ATP2A3: variants seen among roughly 807,000 people sequenced by gnomAD.
ATP2A3 encodes the protein sarcoplasmic/endoplasmic reticulum calcium ATPase 3.
A neutral mutation model predicts 106.8 loss-of-function variants in ATP2A3; 61 were observed. That is an observed-to-expected ratio of 0.57 (90% CI 0.46 to 0.71). ATP2A3 has a LOEUF of 0.71. Among genes scored for constraint, ATP2A3 ranks in the 30% least tolerant of loss-of-function variants. ATP2A3 has a pLI of 0.00. For missense variants in ATP2A3, 1,201 were observed against 1,423.5 expected (o/e 0.84, Z 2.52); for synonymous variants, 611 against 609.3 (o/e 1.00, Z -0.04).
At position 3,947,561 on chromosome 17, in the gene ATP2A3, C is replaced by T. The variant is rs761349800; in HGVS notation, c.925G>A (p.Glu309Lys). ...GTAGTGATGACAGCCGGGAGGCCCT[C>T]GGGGATGGCCGCCACCGCCAGGGCC... Reference protein sequence around the residue: ...AVALAVAAIPEGLPAVITTCL... With the variant: ...AVALAVAAIPKGLPAVITTCL... Residue 309 changes from glutamate to lysine, a missense_variant, in exon 8 of 21, where the codon GAG becomes AAG. Glu to Lys is a moderately conservative substitution (Grantham distance 56, BLOSUM62 1). Transcript: ENST00000397041. The surrounding 1 kb of genome is among the most constrained non-coding windows in gnomAD (Gnocchi z 7.7). 2.5e-6 allele frequency: 4 copies of T among 1,612,778 alleles called. No homozygotes were observed. The highest frequency in any genetic ancestry group is 1.7e-5 in the Admixed American group (1 of 60,002).
chr17:3,927,212 G>T, intron 20 of ATP2A3: 1 of 985,422 alleles, frequency 1.0e-6, no homozygotes, highest in African/African-American at 1.7e-5. Context: ...CCGCTCTTTA[G>T]GCCTGGGGAA....
chr17:3,944,785 C>T lies in ATP2A3; in HGVS notation c.1206G>A (p.Val402=). The T allele has an allele frequency of 6.2e-7, 1 of 1,611,976 alleles. No individual in the cohort carries two copies. Among genetic ancestry groups the T allele is most frequent in the Non-Finnish European group, 8.5e-7 (1 of 1,179,278 alleles). The change falls in exon 10 of 21, where the codon GTG becomes GTA. Residue 402 remains valine, a synonymous_variant. Coordinates refer to ENST00000397041, the MANE Select transcript of ATP2A3 (RefSeq NM_005173.4). The stretch of plus-strand genomic sequence containing the variant: ...CCAGCCCGTCGAACTGGCCGCAGCG[C>T]ACAGGCTGATCCCCCTGCCGCCTGC... ...EGEVRQGDQP[V]RCGQFDGLVE...
chr17:3,962,873 C>A (rs1315001631), intron 1 of ATP2A3, among the ~76,000 whole-genome samples: 1 of 152,190 alleles, frequency 6.6e-6, no homozygotes, highest in Non-Finnish European at 1.5e-5. Context: ...CTGCCTGCGC[C>A]GGCCCTCGCC....
chr17:3,942,014 G>A (rs964174289), intron 12 of ATP2A3, among the ~76,000 whole-genome samples: 3 of 152,178 alleles, frequency 2.0e-5, no homozygotes, highest in Non-Finnish European at 2.9e-5. Context: ...GTTCCAATTT[G>A]GTAGGGGCCT....
intron 14 of ATP2A3, among the ~76,000 whole-genome samples, chr17:3,940,297 C>T (rs1309843274): frequency 6.6e-6 from 1 of 152,056 alleles, no homozygotes; most frequent in Non-Finnish European, 1.5e-5. Context: ...CCACAAACAA[C>T]ATTGCTCTCT....
chr17:3,936,574 C>G lies in ATP2A3; in HGVS notation c.2322-105G>C. On this transcript the variant is annotated intron_variant, in intron 15 of 20. Transcript: ENST00000397041. This position sits in a 1 kb window ranked among gnomAD's most constrained non-coding sequence, Gnocchi z 5.4. ...GGCTGGGAGCTCACCCACCCACTGT[C>G]TCCACAGCAGCCCCTCCTCCCTCCG... The G allele has an allele frequency of 1.6e-6, 2 of 1,231,530 alleles. No homozygotes were observed. The highest frequency in any genetic ancestry group is 2.4e-6 in the Non-Finnish European group (2 of 844,986). 76.3% of individuals were successfully genotyped at this position (1,231,530 alleles called of 1,614,324 possible).
intron 1 of ATP2A3, among the ~76,000 whole-genome samples, chr17:3,958,607 G>GTT (rs1326826708): frequency 6.6e-6 from 1 of 151,470 alleles, no homozygotes; most frequent in Non-Finnish European, 1.5e-5. Context: ...GCTTTTTAGT[G>GTT]TATTTGTAAT....
In ATP2A3 at chr17:3,926,651, C is replaced by A. The variant is rs1281718620; in HGVS notation, c.2981-1210G>T. 6.6e-6 allele frequency among the ~76,000 whole-genome samples: 1 copy of A among 152,138 alleles called. No individual in the cohort carries two copies. The highest frequency in any genetic ancestry group is 6.6e-5 in the Admixed American group (1 of 15,264). The stretch of plus-strand genomic sequence containing the variant: ...GTAGCTCAATCTCAGCTCACTGCAA[C>A]CTCCACCTCCCAGGTTCAAGTGATT... On this transcript the variant is annotated intron_variant, in intron 20 of 20. Coordinates refer to ENST00000397041, the MANE Select transcript of ATP2A3 (RefSeq NM_005173.4). The surrounding 1 kb of genome is among the most constrained non-coding windows in gnomAD (Gnocchi z 4.6).
chr17:3,942,790 T>G (rs992201501), intron 11 of ATP2A3, 59 bp from the exon 12 acceptor site: 115 of 1,601,448 alleles, frequency 7.2e-5, no homozygotes, highest in Admixed American at 1.2e-4. Context: ...TCGCCTGCCT[T>G]CCCACCAACT....
chr17:3,933,397 T>C (rs1257556491), intron 17 of ATP2A3, among the ~76,000 whole-genome samples: 1 of 150,826 alleles, frequency 6.6e-6, no homozygotes, highest in African/African-American at 2.5e-5. Context: ...CACACAGTAT[T>C]CCCCAGGTCA....
chr17:3,955,493 G>A lies in ATP2A3; in HGVS notation c.119-1783C>T, dbSNP rs576291502. 6.3e-4 allele frequency among the ~76,000 whole-genome samples: 96 copies of A among 152,294 alleles called. No homozygotes were observed. The highest frequency in any genetic ancestry group is 2.1e-3 in the South Asian group (10 of 4,826). ...GAAAATGTAATCTCCAGTGTCCTGCGTCGAGATTAAAATCAAACAGACTTT... is the reference window on the plus strand; with the variant it reads ...GAAAATGTAATCTCCAGTGTCCTGCATCGAGATTAAAATCAAACAGACTTT... On this transcript the variant is annotated intron_variant, in intron 1 of 20. Transcript: ENST00000397041. The surrounding 1 kb of genome is among the most constrained non-coding windows in gnomAD (Gnocchi z 4.2).
chr17:3,936,536 T>A lies in ATP2A3; in HGVS notation c.2322-67A>T. 1 of 1,556,058 alleles carries A rather than the reference T, an allele frequency of 6.4e-7. No individual in the cohort carries two copies. Among genetic ancestry groups the A allele is most frequent in the East Asian group, 2.2e-5 (1 of 44,504 alleles). On this transcript the variant is annotated intron_variant, in intron 15 of 20. Coordinates refer to ENST00000397041, the MANE Select transcript of ATP2A3 (RefSeq NM_005173.4). The surrounding 1 kb of genome is among the most constrained non-coding windows in gnomAD (Gnocchi z 5.4). ...CCCGGCAGATGCAGGCTCCAGCTCC[T>A]GCTCAGACCCAAGGCTGGGAGCTCA...
Position 3,926,896 on chromosome 17 carries a change from C to A in ATP2A3, c.2981-1455G>T, listed in dbSNP as rs1410772386. The A allele has an allele frequency of 1.3e-5, 13 of 985,322 alleles. No individual in the cohort carries two copies. The African/African-American group carries it at 2.1e-4, about 16-fold the overall frequency. The allele number at this position is 985,322 out of a possible 1,614,324, so 61.0% of individuals were successfully genotyped here. A position where few individuals can be genotyped will look rare whatever the true frequency, so the allele number is the denominator to read the frequency against. Reference sequence around the variant, plus strand: ...TTAGTCTCACCCCCTCTTGCCTGTCCTCCATGGTTGACACAGTCCGCACCG... The same window carrying A: ...TTAGTCTCACCCCCTCTTGCCTGTCATCCATGGTTGACACAGTCCGCACCG... On this transcript the variant is annotated intron_variant, in intron 20 of 20. Coordinates refer to ENST00000397041, the MANE Select transcript of ATP2A3 (RefSeq NM_005173.4). This position sits in a 1 kb window ranked among gnomAD's most constrained non-coding sequence, Gnocchi z 4.6.
chr17:3,929,506 A>C lies in ATP2A3; in HGVS notation c.2745-61T>G. On this transcript the variant is annotated intron_variant, in intron 18 of 20. Coordinates refer to ENST00000397041, the MANE Select transcript of ATP2A3 (RefSeq NM_005173.4). This position sits in a 1 kb window ranked among gnomAD's most constrained non-coding sequence, Gnocchi z 4.3. ...TGCAGGGAGGCCCTGCCAGGCACCC[A>C]CCCCCATGGGAGGAGCCTCACCACT... The C allele has an allele frequency of 7.2e-7, 1 of 1,397,636 alleles. No individual in the cohort carries two copies. The highest frequency in any genetic ancestry group is 9.9e-7 in the Non-Finnish European group (1 of 1,011,092). The allele number at this position is 1,397,636 out of a possible 1,614,324, so 86.6% of individuals were successfully genotyped here. A position where few individuals can be genotyped will look rare whatever the true frequency, so the allele number is the denominator to read the frequency against.
At position 3,943,488 on chromosome 17, in the gene ATP2A3, G is replaced by A. The variant is rs750525188; in HGVS notation, c.1322C>T (p.Thr441Met). ...CACCAGGCAAGTCAGAGCTGTCTCC[G>A]TGGCCTCTCCCACCTTCTCATACAC... ...KGVYEKVGEA[T>M]ETALTCLVEK... The change falls in exon 11 of 21, where the codon ACG becomes ATG. Residue 441 changes from threonine (T) to methionine (M), a missense_variant. By Grantham distance (81) the Thr-to-Met change is moderately conservative. This residue lies in a region of ATP2A3 where 935 missense variants were observed against 1,176.7 expected (regional missense o/e 0.79). Transcript: ENST00000397041. 8 of 1,613,938 alleles carry A rather than the reference G, an allele frequency of 5.0e-6. No homozygotes were observed. Among genetic ancestry groups the A allele is most frequent in the East Asian group, 2.2e-5 (1 of 44,886 alleles).
Position 3,930,728 on chromosome 17 carries a change from G to A in ATP2A3, c.2611-294C>T, listed in dbSNP as rs756202391. On this transcript the variant is annotated intron_variant, in intron 17 of 20. Transcript: ENST00000397041. The surrounding 1 kb of genome is among the most constrained non-coding windows in gnomAD (Gnocchi z 5.4). ...CTGGCATTAGCCTGGGGAGGCTAGC[G>A]GGAGCCTGGAGATCACTGAATAGGG... 21 of 518,112 alleles carry A rather than the reference G, an allele frequency of 4.1e-5. No individual in the cohort carries two copies. Among genetic ancestry groups the A allele is most frequent in the African/African-American group, 2.3e-4 (12 of 51,908 alleles). 32.1% of individuals were successfully genotyped at this position (518,112 alleles called of 1,614,324 possible). A position where few individuals can be genotyped will look rare whatever the true frequency, so the allele number is the denominator to read the frequency against.
Position 3,929,257 on chromosome 17 carries a change from G to C in ATP2A3, c.2862+71C>G. On this transcript the variant is annotated intron_variant, in intron 19 of 20. Transcript: ENST00000397041. The surrounding 1 kb of genome is among the most constrained non-coding windows in gnomAD (Gnocchi z 4.3). ...TAGTTTCCATTGCAGGGGGGCCAGA[G>C]AGGTCCAGTGACCAGCCCAGGGCCT... 7.3e-7 allele frequency: 1 copy of C among 1,362,594 alleles called. No individual in the cohort carries two copies. Among genetic ancestry groups the C allele is most frequent in the Non-Finnish European group, 1.0e-6 (1 of 983,926 alleles). The allele number at this position is 1,362,594 out of a possible 1,614,324, so 84.4% of individuals were successfully genotyped here.
At chr17:3,933,513 G>A (rs1436247935) in intron 17 of ATP2A3, among the ~76,000 whole-genome samples, 8 of 150,866 alleles carry the variant, frequency 5.3e-5, no homozygotes, top group Middle Eastern at 3.5e-3. Flanking sequence ...TGAGGCGGGC[G>A]GATCATGAGG....
rs2052639762 is a variant in ATP2A3, at chr17:3,925,285, C to T, written c.*137G>A. On this transcript the variant is annotated 3_prime_UTR_variant, in exon 21 of 21. Coordinates refer to ENST00000397041, the MANE Select transcript of ATP2A3 (RefSeq NM_005173.4). This position sits in a 1 kb window ranked among gnomAD's most constrained non-coding sequence, Gnocchi z 4.2. Reference sequence around the variant, plus strand: ...CGGGGCCCGGGGATGGCCATTCTGACCTCGGGCCTGTCATTTATCCGGCGG... The same window carrying T: ...CGGGGCCCGGGGATGGCCATTCTGATCTCGGGCCTGTCATTTATCCGGCGG... The T allele has an allele frequency of 6.7e-7, 1 of 1,486,600 alleles. No individual in the cohort carries two copies. Among genetic ancestry groups the T allele is most frequent in the Non-Finnish European group, 9.2e-7 (1 of 1,081,142 alleles). 92.1% of individuals were successfully genotyped at this position (1,486,600 alleles called of 1,614,324 possible).
Sources: allele counts gnomAD v4.1 joint callset (sites outside exome capture counted in the v4.1 genomes callset), GRCh38; gene constraint gnomAD v4.1.1; regional missense constraint gnomAD v4.1.1; non-coding constraint Gnocchi (gnomAD v3.1); transcripts MANE v1.5; gene names NCBI Gene and HGNC (gene_info 2026-07-23, HGNC 2026-07-21).